NBEAL1: variants seen among roughly 807,000 people sequenced by gnomAD.
NBEAL1 encodes neurobeachin-like protein 1.
Under a neutral mutation model 351.3 loss-of-function variants are expected in NBEAL1, and 273 were observed. The ratio of observed to expected loss-of-function variants is 0.78; its 90% CI spans 0.70 to 0.86. The LOEUF (loss-of-function observed/expected upper bound fraction) is 0.86. Ranked by LOEUF, NBEAL1 falls within the 40% of genes least tolerant of loss-of-function variation. The probability of loss-of-function intolerance (pLI) is 0.00; values close to 1 mark genes in which losing one functional copy is unlikely to be tolerated. For missense variants in NBEAL1, 2,961 were observed against 3,201.3 expected, an observed-to-expected ratio of 0.92 and a Z score of 1.81; for synonymous variants, 1,050 against 1,086.4, an observed-to-expected ratio of 0.97 and a Z score of 0.66.
intron 39 of NBEAL1, 102 bp downstream of exon 39, chr2:203,169,953 C>T (rs1000015097): frequency 5.7e-5 from 41 of 716,218 alleles, no homozygotes; most frequent in Admixed American, 2.5e-4. Flanking sequence ...TGCTGTTCTT[C>T]CATTCAGACT....
At chr2:203,039,278 TCCCTTTC>T (rs1559324541) in intron 2 of NBEAL1, among the ~76,000 whole-genome samples, 2 of 40,912 alleles carry the variant, frequency 4.9e-5, no homozygotes, top group African/African-American at 1.9e-4. Flanking sequence ...TCCCTTCCCT[TCCCTTTC>T]GCTTCCCCTC....
At position 203,126,009 on chromosome 2, in the gene NBEAL1, A is replaced by G; in HGVS notation, c.2901A>G (p.Lys967=). ...TTGCAACATTTATCTTAATTGTGAA[A>G]CATTTTATTCAGAGACATCCTATCA... ...NLVATFILIV[K]HFIQRHPINQ... Residue 967 remains lysine (K), a synonymous_variant, in exon 21 of 56, where the codon AAA becomes AAG. Coordinates refer to ENST00000683969, the MANE Select transcript of NBEAL1 (RefSeq NM_001378026.1). 9 of 1,545,074 alleles carry G rather than the reference A, an allele frequency of 5.8e-6. No individual in the cohort carries two copies. Among genetic ancestry groups the G allele is most frequent in the Non-Finnish European group, 7.9e-6 (9 of 1,144,292 alleles).
At chr2:203,031,001 A>G (rs989492911) in intron 2 of NBEAL1, among the ~76,000 whole-genome samples, 1 of 152,224 alleles carries the variant, frequency 6.6e-6, no homozygotes, top group African/African-American at 2.4e-5. Context: ...AACAGATTCT[A>G]TATATCACGG....
chr2:203,120,780 C>G (rs1324379599), intron 18 of NBEAL1, among the ~76,000 whole-genome samples: 2 of 152,004 alleles, frequency 1.3e-5, no homozygotes, highest in Non-Finnish European at 2.9e-5. Flanking sequence ...GAGTGTCATA[C>G]CATTAGGAGA....
intron 34 of NBEAL1, among the ~76,000 whole-genome samples, chr2:203,151,089 T>TG (rs1334211834): frequency 1.3e-5 from 2 of 152,174 alleles, no homozygotes; most frequent in Non-Finnish European, 2.9e-5. Flanking sequence ...CCCAGCACTT[T>TG]GGGAGGCCAA....
At chr2:203,105,887 TA>T (rs929558604) in intron 12 of NBEAL1, among the ~76,000 whole-genome samples, 11 of 152,204 alleles carry the variant, frequency 7.2e-5, no homozygotes, top group Non-Finnish European at 4.4e-5. Context: ...TTTAAAAAAT[TA>T]AGCTTTATAT....
chr2:203,015,931 C>G (rs1321674793), intron 1 of NBEAL1: 4 of 152,992 alleles, frequency 2.6e-5, no homozygotes, highest in African/African-American at 9.6e-5. Context: ...GAACATGTAC[C>G]CATCTCTAGG....
At chr2:203,130,264 T>C in intron 24 of NBEAL1, 54 bp from the exon 25 acceptor site, 1 of 1,442,048 alleles carries the variant, frequency 6.9e-7, no homozygotes. Context: ...TGACCTTATT[T>C]GTGCTTGTAT....
chr2:203,172,041 C>T lies in NBEAL1; in HGVS notation c.6198+18C>T. ...ATCCTGTGGTAAGTTTTGCATAAAC[C>T]TTATAAATGTGGAATTGCCCTACAG... On this transcript the variant is annotated intron_variant, in intron 40 of 55. Coordinates refer to ENST00000683969, the MANE Select transcript of NBEAL1 (RefSeq NM_001378026.1). 6 of 1,458,704 alleles carry T rather than the reference C, an allele frequency of 4.1e-6. No homozygotes were observed. Among genetic ancestry groups the T allele is most frequent in the Non-Finnish European group, 5.6e-6 (6 of 1,069,360 alleles). The allele number at this position is 1,458,704 out of a possible 1,614,324, so 90.4% of individuals were successfully genotyped here. A position where few individuals can be genotyped will look rare whatever the true frequency, so the allele number is the denominator to read the frequency against.
intron 10 of NBEAL1, among the ~76,000 whole-genome samples, chr2:203,092,817 A>G (rs983375999): frequency 2.0e-5 from 3 of 152,208 alleles, no homozygotes; most frequent in African/African-American, 7.2e-5. Flanking sequence ...TTCTGAAAGC[A>G]TTTATGTCAC....
chr2:203,030,588 A>T (rs1192601627), intron 2 of NBEAL1, among the ~76,000 whole-genome samples: 1 of 152,198 alleles, frequency 6.6e-6, no homozygotes, highest in East Asian at 1.9e-4. Context: ...TGGCATAAGG[A>T]TCAATTAGAT....
chr2:203,109,664 C>T (rs752042425), intron 14 of NBEAL1, among the ~76,000 whole-genome samples: 1 of 152,026 alleles, frequency 6.6e-6, no homozygotes, highest in Non-Finnish European at 1.5e-5. Context: ...GGACTACAGG[C>T]GCCCGCCACC....
At chr2:203,212,606 C>CA (rs367786013) in intron 54 of NBEAL1, among the ~76,000 whole-genome samples, 9,851 of 80,976 alleles carry the variant, frequency 0.12, 512 homozygotes, top group African/African-American at 0.23. Context: ...GACTCCATCT[C>CA]AAAAAAAAAA....
At chr2:203,124,571 TA>T (rs1292230530) in intron 19 of NBEAL1, among the ~76,000 whole-genome samples, 1 of 152,174 alleles carries the variant, frequency 6.6e-6, no homozygotes, top group Non-Finnish European at 1.5e-5. Context: ...CATTATTTTG[TA>T]AACCTCAAAT....
At chr2:203,135,130 C>G (rs189247110) in intron 27 of NBEAL1, among the ~76,000 whole-genome samples, 2 of 150,588 alleles carry the variant, frequency 1.3e-5, no homozygotes, top group Admixed American at 6.6e-5. Context: ...GAGTCAAGAT[C>G]GCACCACTGC....
At chr2:203,039,636 C>T (rs1043363072) in intron 2 of NBEAL1, among the ~76,000 whole-genome samples, 7 of 152,078 alleles carry the variant, frequency 4.6e-5, no homozygotes, top group African/African-American at 1.7e-4. Context: ...TCAGGTGATC[C>T]GCCTGCCTCG....
Position 203,016,192 on chromosome 2 carries a change from T to C in NBEAL1, c.-193T>C, listed in dbSNP as rs1232241198. 4.0e-5 allele frequency: 16 copies of C among 396,560 alleles called. No homozygotes were observed. The Admixed American group carries it at 6.0e-4, about 15-fold the overall frequency. The allele number at this position is 396,560 out of a possible 1,614,324, so 24.6% of individuals were successfully genotyped here. A position where few individuals can be genotyped will look rare whatever the true frequency, so the allele number is the denominator to read the frequency against. ...TGCCCAACTACCACTGATGAAGATA[T>C]ATTGGAGTGACTGCTGAAATTGCCT... On this transcript the variant is annotated 5_prime_UTR_variant, in exon 2 of 56. Coordinates refer to ENST00000683969, the MANE Select transcript of NBEAL1 (RefSeq NM_001378026.1).
intron 35 of NBEAL1, among the ~76,000 whole-genome samples, chr2:203,153,070 T>C (rs74590376): frequency 0.049 from 7,438 of 152,168 alleles, 192 homozygotes; most frequent in Middle Eastern, 0.085. Context: ...TCATTGGTAG[T>C]CATAGGCATA....
At chr2:203,125,637 G>T (rs2062920014) in intron 20 of NBEAL1, 117 bp downstream of exon 20, 1 of 975,528 alleles carries the variant, frequency 1.0e-6, no homozygotes, top group African/African-American at 1.7e-5. Flanking sequence ...AGCTGTAGCA[G>T]TTGTTTCTAC....
Sources: allele counts gnomAD v4.1 joint callset (sites outside exome capture counted in the v4.1 genomes callset), GRCh38; gene constraint gnomAD v4.1.1; transcripts MANE v1.5; gene names NCBI Gene and HGNC (gene_info 2026-07-23, HGNC 2026-07-21).